Variants in MTUS2 observed in about 807,000 individuals in gnomAD.
MTUS2 encodes microtubule-associated tumor suppressor candidate 2.
Under a neutral mutation model 114.1 loss-of-function variants are expected in MTUS2, and 40 were observed. The observed-to-expected ratio is 0.35, with a 90% CI of 0.27 to 0.46. The LOEUF (loss-of-function observed/expected upper bound fraction) is 0.46. MTUS2 is among the 20% of genes least tolerant of loss of function. MTUS2 has a pLI of 1.00. For missense variants in MTUS2, 1,679 were observed against 1,705.4 expected, an observed-to-expected ratio of 0.98 and a Z score of 0.27; for synonymous variants, 688 against 672.0, an observed-to-expected ratio of 1.02 and a Z score of -0.37.
At chr13:29,097,685 C>T (rs976159305) in intron 4 of MTUS2, among the ~76,000 whole-genome samples, 3 of 152,170 alleles carry the variant, frequency 2.0e-5, no homozygotes, top group Admixed American at 2.0e-4. Flanking sequence ...CCACCATCTT[C>T]TCATTATATC....
intron 5 of MTUS2, among the ~76,000 whole-genome samples, chr13:29,134,047 C>CTGCTTT (rs1413479963): frequency 3.3e-5 from 5 of 152,292 alleles, no homozygotes; most frequent in Middle Eastern, 3.4e-3. Flanking sequence ...CCCTTTGGCA[C>CTGCTTT]TGCTTTTGTT....
chr13:28,949,607 A>G (rs1882709940), intron 2 of MTUS2, among the ~76,000 whole-genome samples: 1 of 152,166 alleles, frequency 6.6e-6, no homozygotes, highest in South Asian at 2.1e-4. Context: ...ATCCATAAAC[A>G]ACAACTCCCT....
intron 2 of MTUS2, among the ~76,000 whole-genome samples, chr13:28,930,378 T>C (rs1881551554): frequency 6.6e-6 from 1 of 152,298 alleles, no homozygotes; most frequent in Admixed American, 6.5e-5. Context: ...CGGGTGCTTA[T>C]CTCTGGGTCG....
intron 4 of MTUS2, among the ~76,000 whole-genome samples, chr13:29,065,564 C>T (rs1888626310): frequency 6.6e-6 from 1 of 151,978 alleles, no homozygotes; most frequent in East Asian, 1.9e-4. Flanking sequence ...CAAATATTTT[C>T]CCCTGTAAAT....
At chr13:28,872,893 T>A (rs1338093340) in intron 2 of MTUS2, among the ~76,000 whole-genome samples, 4 of 152,142 alleles carry the variant, frequency 2.6e-5, no homozygotes, top group Non-Finnish European at 4.4e-5. Flanking sequence ...TGGCTGAGAA[T>A]TTTCCAAATC....
At chr13:29,450,569 A>G (rs1878613448) in intron 9 of MTUS2, among the ~76,000 whole-genome samples, 1 of 152,220 alleles carries the variant, frequency 6.6e-6, no homozygotes, top group South Asian at 2.1e-4. Context: ...CCTTGGGATC[A>G]CAAAAAGAAT....
At position 28,992,606 on chromosome 13, in the gene MTUS2, A is replaced by C. The variant is rs142426032; in HGVS notation, c.-242-31851A>C. 4.1e-4 allele frequency among the ~76,000 whole-genome samples: 63 copies of C among 152,312 alleles called. 1 individual carries two copies. The highest frequency in any genetic ancestry group is 3.4e-3 in the Middle Eastern group (1 of 294). ...TTAATAATTGTATTTTCAGTGGTTC[A>C]TGGCCACTTCCAACAGCTTGGGTTA... On this transcript the variant is annotated intron_variant, in intron 2 of 15. Coordinates refer to ENST00000612955, the MANE Select transcript of MTUS2 (RefSeq NM_001033602.4).
At chr13:29,052,345 G>A (rs167833) in intron 4 of MTUS2, among the ~76,000 whole-genome samples, 54,904 of 151,380 alleles carry the variant, frequency 0.36, 10,093 homozygotes, top group Admixed American at 0.4. Context: ...GCCGGGCATG[G>A]TGGCAGGCAC....
intron 4 of MTUS2, among the ~76,000 whole-genome samples, chr13:29,094,347 T>A (rs1006911451): frequency 7.7e-4 from 117 of 151,564 alleles, no homozygotes; most frequent in African/African-American, 2.8e-3. Context: ...TGTGGGAATT[T>A]TTTTTTTTAT....
At chr13:29,414,602 C>T (rs1421064526) in intron 8 of MTUS2, among the ~76,000 whole-genome samples, 2 of 151,490 alleles carry the variant, frequency 1.3e-5, no homozygotes, top group South Asian at 4.2e-4. Flanking sequence ...CTGATGGGCT[C>T]AATTTTGGGA....
intron 2 of MTUS2, among the ~76,000 whole-genome samples, chr13:28,849,978 C>G (rs1025214708): frequency 5.3e-5 from 8 of 152,124 alleles, no homozygotes; most frequent in African/African-American, 1.9e-4. Context: ...TTATCAGATT[C>G]CATTCTATAG....
At chr13:29,102,638 A>T (rs1175929724) in intron 5 of MTUS2, among the ~76,000 whole-genome samples, 2 of 152,196 alleles carry the variant, frequency 1.3e-5, no homozygotes, top group Non-Finnish European at 2.9e-5. Context: ...TATTTTAAGA[A>T]ACATATGTTA....
chr13:29,320,077 A>G (rs1900190738), intron 6 of MTUS2, among the ~76,000 whole-genome samples: 1 of 152,228 alleles, frequency 6.6e-6, no homozygotes, highest in African/African-American at 2.4e-5. Context: ...GGGACTTTGC[A>G]TGAAGTTCAG....
intron 2 of MTUS2, among the ~76,000 whole-genome samples, chr13:28,935,179 C>T (rs1881837469): frequency 1.3e-5 from 2 of 152,004 alleles, no homozygotes; most frequent in African/African-American, 2.4e-5. Context: ...GTATGAATAG[C>T]CCACACTTTA....
At chr13:28,987,767 A>G (rs545163907) in intron 2 of MTUS2, among the ~76,000 whole-genome samples, 17 of 152,378 alleles carry the variant, frequency 1.1e-4, no homozygotes, top group African/African-American at 3.6e-4. Context: ...ATGTGTTTCC[A>G]TAAAAAGCAC....
intron 9 of MTUS2, among the ~76,000 whole-genome samples, chr13:29,455,266 G>T (rs928307379): frequency 5.3e-5 from 8 of 152,188 alleles, no homozygotes; most frequent in African/African-American, 1.9e-4. Flanking sequence ...CTGAAGGGTA[G>T]GCTGCACATA....
chr13:29,323,325 C>A (rs1384649702), intron 6 of MTUS2, among the ~76,000 whole-genome samples: 1 of 151,892 alleles, frequency 6.6e-6, no homozygotes, highest in African/African-American at 2.4e-5. Context: ...TCTCGGCTCA[C>A]TGCAAGCGCC....
At chr13:29,298,986 T>A (rs2139600247) in intron 6 of MTUS2, among the ~76,000 whole-genome samples, 1 of 152,274 alleles carries the variant, frequency 6.6e-6, no homozygotes, top group Non-Finnish European at 1.5e-5. Flanking sequence ...ACTGTCAACT[T>A]ATTTGTCATT....
intron 4 of MTUS2, among the ~76,000 whole-genome samples, chr13:29,085,027 G>A (rs1252822574): frequency 6.6e-6 from 1 of 152,112 alleles, no homozygotes; most frequent in Non-Finnish European, 1.5e-5. Context: ...GGTGATGAGT[G>A]AATTCTTGCT....
Sources: gnomAD v4.1 joint callset for allele counts (sites outside exome capture counted in the v4.1 genomes callset) on GRCh38, gnomAD v4.1.1 for gene constraint, MANE v1.5 for transcripts, NCBI Gene and HGNC (gene_info 2026-07-23, HGNC 2026-07-21) for gene names.